Variants in DPP6 observed in about 807,000 individuals in gnomAD.
The protein encoded by DPP6 is A-type potassium channel modulatory protein DPP6.
DPP6 carries 69 observed loss-of-function variants against 122.6 expected under a neutral mutation model. The observed-to-expected ratio is 0.56, with a 90% CI of 0.46 to 0.69. The LOEUF is 0.69. Ranked by LOEUF, DPP6 falls within the 30% of genes least tolerant of loss-of-function variation. The probability of loss-of-function intolerance (pLI) is 0.00; values close to 1 mark genes in which losing one functional copy is unlikely to be tolerated. For missense variants in DPP6, 928 were observed against 1,116.9 expected (o/e 0.83, Z 2.41); for synonymous variants, 418 against 433.1 (o/e 0.97, Z 0.43).
chr7:154,130,993 G>C (rs1437983491), intron 1 of DPP6, among the ~76,000 whole-genome samples: 1 of 152,082 alleles, frequency 6.6e-6, no homozygotes, highest in Non-Finnish European at 1.5e-5. Flanking sequence ...AAACCAGGCA[G>C]TTCGTCAGTG....
the DPP6 span, among the ~76,000 whole-genome samples, chr7:153,757,276 A>G: frequency 6.6e-6 from 1 of 152,224 alleles, no homozygotes; most frequent in African/African-American, 2.4e-5. Context: ...ATGCAATATT[A>G]AGAGATCATA....
rs565248684 is a variant in DPP6, at chr7:154,223,346, A to G, written c.243+170283A>G. Among the ~76,000 whole-genome samples the G allele has an allele frequency of 1.0e-3, 152 of 149,646 alleles. 3 individuals carry two copies. Among genetic ancestry groups the G allele is most frequent in the Admixed American group, 8.9e-3 (136 of 15,196 alleles). ...TTTTGCAAATATTCTTTAAGCATCC[A>G]TTGAGTGCTAGGCACCAGGGATTTG... On this transcript the variant is annotated intron_variant, in intron 1 of 25. Transcript: ENST00000377770.
At chr7:154,357,707 T>A (rs1051261706) in intron 1 of DPP6, among the ~76,000 whole-genome samples, 2 of 152,066 alleles carry the variant, frequency 1.3e-5, no homozygotes, top group Non-Finnish European at 2.9e-5. Flanking sequence ...TTTGGGAGGC[T>A]GAGGTGGGTG....
At chr7:153,837,837 A>ATTTTTTTT in the DPP6 span, among the ~76,000 whole-genome samples, 27 of 80,634 alleles carry the variant, frequency 3.3e-4, 3 homozygotes, top group African/African-American at 8.1e-4. Flanking sequence ...TGCCTGGTTA[A>ATTTTTTTT]TTTTTTTTTT....
chr7:154,138,235 A>G (rs1391546408), intron 1 of DPP6, among the ~76,000 whole-genome samples: 2 of 152,240 alleles, frequency 1.3e-5, no homozygotes, highest in African/African-American at 4.8e-5. Flanking sequence ...AAGATGTTTT[A>G]TGTGTATGGT....
intron 16 of DPP6, among the ~76,000 whole-genome samples, chr7:154,848,241 AC>A (rs1802098442): frequency 6.6e-6 from 1 of 152,108 alleles, no homozygotes; most frequent in African/African-American, 2.4e-5. Context: ...TTTTTGAGGA[AC>A]CACCATATTG....
At chr7:154,233,814 C>T (rs1039442496) in intron 1 of DPP6, among the ~76,000 whole-genome samples, 5 of 152,140 alleles carry the variant, frequency 3.3e-5, no homozygotes, top group African/African-American at 1.2e-4. Flanking sequence ...GACTTTGTTA[C>T]AGCAGCCCTA....
chr7:154,478,472 C>T (rs934454845), intron 3 of DPP6, among the ~76,000 whole-genome samples: 2 of 152,144 alleles, frequency 1.3e-5, no homozygotes, highest in Non-Finnish European at 2.9e-5. Flanking sequence ...ATCATAACAT[C>T]ATCATCAAGA....
intron 1 of DPP6, among the ~76,000 whole-genome samples, chr7:154,111,773 CACA>C (rs1235453344): frequency 2.1e-4 from 32 of 152,098 alleles, no homozygotes; most frequent in Non-Finnish European, 4.0e-4. Context: ...AGCAAATCTG[CACA>C]CAGTGTCTTG....
At chr7:154,675,376 A>T (rs1430855165) in intron 7 of DPP6, among the ~76,000 whole-genome samples, 2 of 152,138 alleles carry the variant, frequency 1.3e-5, no homozygotes, top group African/African-American at 4.8e-5. Context: ...AAGAAAAAAA[A>T]TTGTGCTGTG....
At chr7:153,970,649 G>T (rs1374649849) in intron 1 of DPP6, among the ~76,000 whole-genome samples, 1 of 152,156 alleles carries the variant, frequency 6.6e-6, no homozygotes, top group Non-Finnish European at 1.5e-5. Flanking sequence ...CTGTAATACA[G>T]TTCATGTTAA....
intron 7 of DPP6, among the ~76,000 whole-genome samples, chr7:154,680,217 C>T (rs1839197150): frequency 1.3e-5 from 2 of 152,098 alleles, no homozygotes; most frequent in African/African-American, 2.4e-5. Flanking sequence ...TTTGTTTTAA[C>T]TCTGTGTAAA....
intron 5 of DPP6, among the ~76,000 whole-genome samples, chr7:154,608,335 A>T (rs534605090): frequency 0.02 from 2,298 of 114,590 alleles, 125 homozygotes; most frequent in African/African-American, 0.068. Flanking sequence ...ATATATATAT[A>T]TATATATTTT....
chr7:154,583,263 A>C (rs748086514), intron 5 of DPP6, among the ~76,000 whole-genome samples: 1 of 152,228 alleles, frequency 6.6e-6, no homozygotes, highest in Non-Finnish European at 1.5e-5. Flanking sequence ...AGGTGCCAGC[A>C]GGTCGGTTTC....
chr7:153,961,940 A>G (rs1795375598), intron 1 of DPP6, among the ~76,000 whole-genome samples: 1 of 149,334 alleles, frequency 6.7e-6, no homozygotes, highest in East Asian at 2.0e-4. Flanking sequence ...TCATGGCTCA[A>G]GTTGGGGACC....
intron 18 of DPP6, among the ~76,000 whole-genome samples, chr7:154,870,229 GC>G (rs1804277156): frequency 6.8e-6 from 1 of 146,962 alleles, no homozygotes; most frequent in Admixed American, 7.0e-5. Flanking sequence ...AAGCAATCCT[GC>G]CTCAGTCCCC....
chr7:153,994,542 G>C (rs1433933914), intron 1 of DPP6, among the ~76,000 whole-genome samples: 1 of 152,104 alleles, frequency 6.6e-6, no homozygotes, highest in Non-Finnish European at 1.5e-5. Context: ...ATTTAGACTT[G>C]CAGGAAACAT....
At chr7:153,875,659 T>C in the DPP6 span, among the ~76,000 whole-genome samples, 2 of 152,098 alleles carry the variant, frequency 1.3e-5, no homozygotes, top group South Asian at 2.1e-4. Flanking sequence ...TAAGAATATA[T>C]TTTGAATTTA....
chr7:154,735,509 A>G (rs1842531755), intron 8 of DPP6, among the ~76,000 whole-genome samples: 1 of 152,270 alleles, frequency 6.6e-6, no homozygotes. Context: ...TCAAATAGCA[A>G]TCATTCTGAG....
Sources: gnomAD v4.1 joint callset for allele counts (sites outside exome capture counted in the v4.1 genomes callset) on GRCh38, gnomAD v4.1.1 for gene constraint, MANE v1.5 for transcripts, NCBI Gene and HGNC (gene_info 2026-07-23, HGNC 2026-07-21) for gene names.